Variants in MICOS10 observed in about 807,000 individuals in gnomAD.
The protein encoded by MICOS10 is mitochondrial contact site and cristae organizing system subunit 10, also known as MICOS complex subunit MIC10.
In MICOS10, 5 loss-of-function variants were observed where a neutral mutation model predicts 13.4. The ratio of observed to expected loss-of-function variants is 0.37; its 90% CI spans 0.20 to 0.78. The LOEUF (loss-of-function observed/expected upper bound fraction) is 0.78. MICOS10 is among the 30% of genes least tolerant of loss of function. MICOS10 has a pLI of 0.47. For missense variants in MICOS10, 101 were observed against 94.6 expected (o/e 1.07, Z -0.28); for synonymous variants, 35 against 33.6 (o/e 1.04, Z -0.15).
intron 1 of MICOS10, among the ~76,000 whole-genome samples, chr1:19,609,966 A>T (rs2094852626): frequency 6.6e-6 from 1 of 152,120 alleles, no homozygotes; most frequent in African/African-American, 2.4e-5. Flanking sequence ...ACATGGGGAA[A>T]CCCCGTCTCT....
At chr1:19,614,890 T>C (rs528244851) in intron 1 of MICOS10, among the ~76,000 whole-genome samples, 7 of 152,308 alleles carry the variant, frequency 4.6e-5, no homozygotes, top group East Asian at 1.9e-4. Flanking sequence ...TTCAGCTGGA[T>C]TGGGCCACTC....
intron 1 of MICOS10, among the ~76,000 whole-genome samples, chr1:19,615,134 T>G (rs995349628): frequency 6.6e-6 from 1 of 152,250 alleles, no homozygotes; most frequent in African/African-American, 2.4e-5. Context: ...CTGGGTAAAA[T>G]GGACTTCTTT....
At position 19,597,224 on chromosome 1, in the gene MICOS10, T is replaced by C; in HGVS notation, c.64+115T>C. The C allele has an allele frequency of 1.8e-5, 20 of 1,118,516 alleles. No homozygotes were observed. In the South Asian group the frequency reaches 3.1e-4, roughly 17 times the overall value. The allele number at this position is 1,118,516 out of a possible 1,614,324, so 69.3% of individuals were successfully genotyped here. A position where few individuals can be genotyped will look rare whatever the true frequency, so the allele number is the denominator to read the frequency against. On this transcript the variant is annotated intron_variant, in intron 1 of 3. Transcript: ENST00000322753. Reference sequence around the variant, plus strand: ...CGGGAGGTCAGGCCTCTCGGCCTTTTCCGGCCCCTCCGGCCAGGGCGAGCC... The same window carrying C: ...CGGGAGGTCAGGCCTCTCGGCCTTTCCCGGCCCCTCCGGCCAGGGCGAGCC...
intron 1 of MICOS10, among the ~76,000 whole-genome samples, chr1:19,611,896 T>G (rs1265765833): frequency 6.9e-6 from 1 of 145,724 alleles, no homozygotes; most frequent in African/African-American, 2.6e-5. Flanking sequence ...CGCTTGAACC[T>G]GGAAGGTAGA....
At chr1:19,600,388 T>C (rs1432067944) in intron 1 of MICOS10, among the ~76,000 whole-genome samples, 1 of 152,206 alleles carries the variant, frequency 6.6e-6, no homozygotes, top group Non-Finnish European at 1.5e-5. Flanking sequence ...TACGCTCTTC[T>C]ATAGTGAGCG....
At chr1:19,608,380 T>A in intron 1 of MICOS10, 1 of 1,252,326 alleles carries the variant, frequency 8.0e-7, no homozygotes, top group Non-Finnish European at 1.2e-6. Context: ...AGGAGCTGGG[T>A]ATCATTGCCC....
chr1:19,600,889 C>T (rs1480235637), intron 1 of MICOS10: 1 of 1,289,366 alleles, frequency 7.8e-7, no homozygotes, highest in Non-Finnish European at 1.0e-6. Context: ...GCATGAGCCA[C>T]CACACCTGGT....
At chr1:19,616,772 A>G (rs921176719) in intron 1 of MICOS10, among the ~76,000 whole-genome samples, 6 of 152,144 alleles carry the variant, frequency 3.9e-5, no homozygotes, top group East Asian at 3.9e-4. Flanking sequence ...TTTGAATTCT[A>G]CTTTTTATAG....
At chr1:19,613,944 A>G (rs2094873578) in intron 1 of MICOS10, among the ~76,000 whole-genome samples, 2 of 152,206 alleles carry the variant, frequency 1.3e-5, no homozygotes, top group African/African-American at 4.8e-5. Context: ...AGCTCATAAA[A>G]TAAGTTTATT....
chr1:19,617,369 AT>A (rs1326210512), intron 1 of MICOS10: 3 of 897,350 alleles, frequency 3.3e-6, no homozygotes, highest in Non-Finnish European at 4.0e-6. Context: ...CCTTCTTAGT[AT>A]GTTTCCTAAA....
intron 1 of MICOS10, among the ~76,000 whole-genome samples, chr1:19,614,278 A>T (rs2094874846): frequency 6.6e-6 from 1 of 151,492 alleles, no homozygotes; most frequent in South Asian, 2.1e-4. Flanking sequence ...TCCAGGTAGA[A>T]GTTCTCAGCT....
chr1:19,621,226 C>T (rs1194465604), intron 1 of MICOS10, among the ~76,000 whole-genome samples: 1 of 152,180 alleles, frequency 6.6e-6, no homozygotes, highest in Non-Finnish European at 1.5e-5. Context: ...TTGAATCACA[C>T]CTACCAGGTC....
At chr1:19,625,661 C>G in intron 3 of MICOS10, 1 of 1,275,456 alleles carries the variant, frequency 7.8e-7, no homozygotes, top group Non-Finnish European at 1.0e-6. Context: ...TTCCATTGTT[C>G]CAAACTGAGT....
chr1:19,614,056 A>G lies in MICOS10; in HGVS notation c.65-8044A>G, dbSNP rs905490179. ...GAAAACAATGTAGATGTTTTTATAAATCAAGTTAAATTATATTTTATTTAT... is the reference window on the plus strand; with the variant it reads ...GAAAACAATGTAGATGTTTTTATAAGTCAAGTTAAATTATATTTTATTTAT... On this transcript the variant is annotated intron_variant, in intron 1 of 3. Coordinates refer to ENST00000322753, the MANE Select transcript of MICOS10 (RefSeq NM_001032363.4). 3.3e-5 allele frequency among the ~76,000 whole-genome samples: 5 copies of G among 152,130 alleles called. No homozygotes were observed. In the South Asian group the frequency reaches 8.3e-4, roughly 25 times the overall value.
At chr1:19,609,113 C>T (rs1204304013) in intron 1 of MICOS10, among the ~76,000 whole-genome samples, 1 of 146,444 alleles carries the variant, frequency 6.8e-6, no homozygotes, top group Non-Finnish European at 1.5e-5. Flanking sequence ...CCTCCCACAT[C>T]AGCCTCCTAA....
At chr1:19,622,233 C>T in intron 2 of MICOS10, 86 bp downstream of exon 2, 1 of 1,113,702 alleles carries the variant, frequency 9.0e-7, no homozygotes, top group Non-Finnish European at 1.3e-6. Flanking sequence ...CATTGGAACC[C>T]ATCAATTTGT....
chr1:19,611,525 G>A (rs908345384), intron 1 of MICOS10, among the ~76,000 whole-genome samples: 13 of 140,894 alleles, frequency 9.2e-5, no homozygotes, highest in Non-Finnish European at 1.6e-4. Flanking sequence ...CCAGGCTGGG[G>A]TACCGTGGCA....
intron 1 of MICOS10, 150 bp downstream of exon 1, chr1:19,597,259 C>T: frequency 1.3e-6 from 1 of 788,862 alleles, no homozygotes; most frequent in Admixed American, 3.7e-5. Context: ...CGCCCGGGCC[C>T]CGGCGGGAGG....
chr1:19,604,283 G>A (rs756684208), intron 1 of MICOS10, among the ~76,000 whole-genome samples: 4 of 152,152 alleles, frequency 2.6e-5, no homozygotes, highest in Non-Finnish European at 5.9e-5. Context: ...GAGGTGGGTG[G>A]ATCGCTTGAG....
Sources: gnomAD v4.1 joint callset for allele counts (sites outside exome capture counted in the v4.1 genomes callset) on GRCh38, gnomAD v4.1.1 for gene constraint, MANE v1.5 for transcripts, NCBI Gene and HGNC (gene_info 2026-07-23, HGNC 2026-07-21) for gene names.